Variants in XPO5 observed in about 807,000 individuals in gnomAD.
XPO5 encodes the protein exportin-5.
XPO5 carries 46 observed loss-of-function variants against 160.6 expected under a neutral mutation model. The ratio of observed to expected loss-of-function variants is 0.29; its 90% CI spans 0.23 to 0.37. XPO5 has a LOEUF of 0.37. Among genes scored for constraint, XPO5 ranks in the 10% least tolerant of loss-of-function variants. The pLI, the probability that XPO5 is intolerant of heterozygous loss-of-function variation, is 1.00. For synonymous variants in XPO5, 537 were observed against 519.3 expected (o/e 1.03, Z -0.46); for missense variants, 1,090 against 1,463.9 (o/e 0.74, Z 4.17).
intron 6 of XPO5, among the ~76,000 whole-genome samples, chr6:43,568,328 C>CA (rs373081409): frequency 2.0e-4 from 30 of 150,678 alleles, no homozygotes; most frequent in African/African-American, 6.6e-4. Flanking sequence ...CAAAAACAAA[C>CA]AAAAAAAACA....
chr6:43,535,154 T>C (rs1165584890), intron 20 of XPO5, among the ~76,000 whole-genome samples: 2 of 150,866 alleles, frequency 1.3e-5, no homozygotes, highest in South Asian at 2.1e-4. Flanking sequence ...TAGCCGGACG[T>C]GGTGGTGGGT....
intron 17 of XPO5, among the ~76,000 whole-genome samples, chr6:43,548,838 C>T (rs2127729934): frequency 6.6e-6 from 1 of 151,724 alleles, no homozygotes; most frequent in South Asian, 2.1e-4. Context: ...TCTTATAACC[C>T]CATGCCCCAA....
chr6:43,535,435 T>C (rs527659331), intron 20 of XPO5, among the ~76,000 whole-genome samples: 2 of 150,912 alleles, frequency 1.3e-5, no homozygotes, highest in Non-Finnish European at 3.0e-5. Flanking sequence ...ACTAAAAATA[T>C]AAAAATTAGC....
chr6:43,561,994 A>G (rs1250806937), intron 9 of XPO5: 3 of 319,394 alleles, frequency 9.4e-6, no homozygotes, highest in African/African-American at 4.3e-5. Flanking sequence ...ACAAGAAACC[A>G]ACGTTGACTT....
intron 9 of XPO5, chr6:43,562,039 A>AT: frequency 2.4e-6 from 1 of 424,000 alleles, no homozygotes; most frequent in South Asian, 5.2e-5. Context: ...TGACGTTGGT[A>AT]TAACTATTTT....
In XPO5 at chr6:43,570,586, C is replaced by G; in HGVS notation, c.537G>C (p.Gln179His). 6.2e-7 allele frequency: 1 copy of G among 1,613,788 alleles called. No individual in the cohort carries two copies. The highest frequency in any genetic ancestry group is 8.5e-7 in the Non-Finnish European group (1 of 1,179,822). Residue 179 changes from glutamine (Q) to histidine (H), a missense_variant, in exon 5 of 32, where the codon CAG becomes CAC. This residue lies in a region of XPO5 where 170 missense variants were observed against 227.0 expected (regional missense o/e 0.75). Transcript: ENST00000265351. ...TLPPQRRRDIQQTLTQNMERI... is the reference protein window; with the variant it reads ...TLPPQRRRDIHQTLTQNMERI... Reference sequence around the variant, plus strand: ...TTTCCATGTTCTGGGTTAATGTTTGCTGGATGTCCCTTCTTCTTTGAGGGG... The same window carrying G: ...TTTCCATGTTCTGGGTTAATGTTTGGTGGATGTCCCTTCTTCTTTGAGGGG...
intron 23 of XPO5, chr6:43,529,393 A>AG (rs1471032569): frequency 2.7e-6 from 1 of 375,402 alleles, no homozygotes; most frequent in Non-Finnish European, 5.0e-6. Context: ...AAAAAAAAAA[A>AG]AAAAAAAAAA....
intron 12 of XPO5, among the ~76,000 whole-genome samples, chr6:43,556,344 T>C (rs1001692338): frequency 6.6e-6 from 1 of 151,972 alleles, no homozygotes; most frequent in Non-Finnish European, 1.5e-5. Flanking sequence ...GGCAATACAG[T>C]GAGACCCAGT....
At chr6:43,550,415 G>C (rs1795172292) in intron 15 of XPO5, among the ~76,000 whole-genome samples, 1 of 152,144 alleles carries the variant, frequency 6.6e-6, no homozygotes, top group South Asian at 2.1e-4. Context: ...CCACTTTTCT[G>C]AAGTCCTACT....
At chr6:43,554,802 G>T (rs190084457) in intron 13 of XPO5, among the ~76,000 whole-genome samples, 2 of 152,120 alleles carry the variant, frequency 1.3e-5, no homozygotes, top group Non-Finnish European at 2.9e-5. Flanking sequence ...ACACATTTGG[G>T]CTTCCTCAAC....
In XPO5 at chr6:43,573,563, G is replaced by C; in HGVS notation, c.144C>G (p.Val48=). Residue 48 remains valine (V), a synonymous_variant, in exon 2 of 32, where the codon GTC becomes GTG. Coordinates refer to ENST00000265351, the MANE Select transcript of XPO5 (RefSeq NM_020750.3). ...TCTCAGCCAACCTCAAGCCACAGGG[G>C]ACACAGATAGGACACTTTTCTTTAA... is the stretch of plus-strand genomic sequence containing the variant. ...EEFKEKCPIC[V]PCGLRLAEKT... is the part of the protein sequence containing the mutation. 1 of 1,613,664 alleles carries C rather than the reference G, an allele frequency of 6.2e-7. No individual in the cohort carries two copies.
chr6:43,564,540 A>C (rs1356504293), intron 8 of XPO5, among the ~76,000 whole-genome samples: 2 of 152,192 alleles, frequency 1.3e-5, no homozygotes, highest in African/African-American at 4.8e-5. Context: ...AAAAAAAAAA[A>C]AACTTCCTTT....
chr6:43,538,484 T>TA, intron 20 of XPO5, among the ~76,000 whole-genome samples: 1 of 152,134 alleles, frequency 6.6e-6, no homozygotes, highest in East Asian at 1.9e-4. Flanking sequence ...TAAATATATA[T>TA]AAACCTTGTG....
rs111408497 is a variant in XPO5 at position 43,573,823 on chromosome 6, ATTTT to A, written c.106-226_106-223del. On this transcript the variant is annotated intron_variant, in intron 1 of 31. Transcript: ENST00000265351. ...CTATTAAATATATATATATATATAT[ATTTT>A]TTTTTTTTTTTTTTGAGACGGAGTC... Among the ~76,000 whole-genome samples the A allele has an allele frequency of 2.1e-3, 262 of 126,138 alleles. 2 individuals carry two copies. Among genetic ancestry groups the A allele is most frequent in the African/African-American group, 7.7e-3 (237 of 30,616 alleles). 82.8% of individuals were successfully genotyped at this position (126,138 alleles called of 152,430 possible).
chr6:43,574,220 T>C (rs1287562281), intron 1 of XPO5, among the ~76,000 whole-genome samples: 2 of 151,958 alleles, frequency 1.3e-5, no homozygotes, highest in Admixed American at 1.3e-4. Flanking sequence ...GGAGAATCAC[T>C]TGAGCTCGAG....
At chr6:43,562,972 A>G (rs1762488738) in intron 8 of XPO5, among the ~76,000 whole-genome samples, 1 of 152,232 alleles carries the variant, frequency 6.6e-6, no homozygotes, top group African/African-American at 2.4e-5. Context: ...AGAGATTTTA[A>G]GTAAAACACA....
rs1321462165 is a variant in XPO5 at position 43,523,615 on chromosome 6, C to T, written c.*253G>A. The T allele has an allele frequency of 5.6e-6, 4 of 720,172 alleles. No homozygotes were observed. Among genetic ancestry groups the T allele is most frequent in the East Asian group, 2.9e-5 (1 of 34,088 alleles). The allele number at this position is 720,172 out of a possible 1,614,324, so 44.6% of individuals were successfully genotyped here. ...CTAGCTTTTCTTGGAAAAGCCAAATCTCCAAGTAGAATGGGAACTATCTGG... is the reference window on the plus strand; with the variant it reads ...CTAGCTTTTCTTGGAAAAGCCAAATTTCCAAGTAGAATGGGAACTATCTGG... On this transcript the variant is annotated 3_prime_UTR_variant, in exon 32 of 32. Coordinates refer to ENST00000265351, the MANE Select transcript of XPO5 (RefSeq NM_020750.3).
Position 43,570,550 on chromosome 6 carries a change from A to C in XPO5, c.573T>G (p.Ser191Arg). 6.2e-7 allele frequency: 1 copy of C among 1,613,742 alleles called. No homozygotes were observed. Among genetic ancestry groups the C allele is most frequent in the African/African-American group, 1.3e-5 (1 of 75,002 alleles). ...TTTCTTGAAGTGTGTTAAGCAGAAA[A>C]CTGAAGATCCTTTCCATGTTCTGGG... ...TLTQNMERIF[S>R]FLLNTLQENV... The change falls in exon 5 of 32, where the codon AGT becomes AGG. Residue 191 changes from serine (S) to arginine (R), a missense_variant. Physicochemically the swap from Ser to Arg is moderately radical, Grantham distance 110. Around this residue, in one of 3 missense-constraint regions of XPO5, gnomAD observed 110 missense variants for 97.9 expected, o/e 1.12. Coordinates refer to ENST00000265351, the MANE Select transcript of XPO5 (RefSeq NM_020750.3).
intron 8 of XPO5, among the ~76,000 whole-genome samples, chr6:43,564,691 T>C (rs1378443333): frequency 8.5e-5 from 13 of 152,144 alleles, no homozygotes; most frequent in Non-Finnish European, 1.5e-4. Flanking sequence ...TTGCCTGGAC[T>C]TCCCAGCTCT....
Sources: allele counts gnomAD v4.1 joint callset (sites outside exome capture counted in the v4.1 genomes callset), GRCh38; gene constraint gnomAD v4.1.1; regional missense constraint gnomAD v4.1.1; transcripts MANE v1.5; gene names NCBI Gene and HGNC (gene_info 2026-07-23, HGNC 2026-07-21).